Variants in PACC1 observed in about 807,000 individuals in gnomAD.
The protein encoded by PACC1 is proton-activated chloride channel.
In PACC1, 34 loss-of-function variants were observed where a neutral mutation model predicts 39.7. The observed-to-expected ratio is 0.86, with a 90% CI of 0.65 to 1.14. The LOEUF is 1.14. Among genes scored for constraint, PACC1 ranks in the 50% most tolerant of loss-of-function variants. The pLI, the probability that PACC1 is intolerant of heterozygous loss-of-function variation, is 0.00. For missense variants in PACC1, 379 were observed against 436.4 expected, an observed-to-expected ratio of 0.87 and a Z score of 1.17; for synonymous variants, 127 against 160.6, an observed-to-expected ratio of 0.79 and a Z score of 1.58.
At chr1:212,381,683 C>CACACACACT (rs1447958142) in intron 4 of PACC1, among the ~76,000 whole-genome samples, 4 of 98,066 alleles carry the variant, frequency 4.1e-5, no homozygotes, top group East Asian at 5.0e-4. Context: ...CACAGACACA[C>CACACACACT]ACACACACAC....
chr1:212,413,616 GTT>G (rs1662215231), intron 1 of PACC1, among the ~76,000 whole-genome samples: 1 of 152,202 alleles, frequency 6.6e-6, no homozygotes, highest in Admixed American at 6.5e-5. Context: ...TTAAAACTGA[GTT>G]TCCACTGTGC....
intron 2 of PACC1, chr1:212,410,089 T>C: frequency 3.5e-6 from 1 of 286,254 alleles, no homozygotes; most frequent in Non-Finnish European, 6.9e-6. Context: ...AGAGGGGGCC[T>C]ATTAGATCTT....
chr1:212,383,712 A>G (rs186634503), intron 4 of PACC1, among the ~76,000 whole-genome samples: 352 of 152,280 alleles, frequency 2.3e-3, no homozygotes, highest in Non-Finnish European at 3.3e-3. Flanking sequence ...TTTCTCTAAT[A>G]GGCCTCTCCC....
At chr1:212,404,412 C>T (rs1661831842) in intron 2 of PACC1, among the ~76,000 whole-genome samples, 1 of 151,686 alleles carries the variant, frequency 6.6e-6, no homozygotes, top group Non-Finnish European at 1.5e-5. Flanking sequence ...AGCCCCAATC[C>T]TTTTAAATAC....
At chr1:212,398,782 C>T (rs547126896) in intron 2 of PACC1, among the ~76,000 whole-genome samples, 5 of 152,296 alleles carry the variant, frequency 3.3e-5, no homozygotes, top group African/African-American at 1.2e-4. Flanking sequence ...CTCTCTTGAC[C>T]CTGCTCCACT....
chr1:212,378,571 C>A (rs2102482629), intron 5 of PACC1, among the ~76,000 whole-genome samples: 1 of 152,290 alleles, frequency 6.6e-6, no homozygotes, highest in East Asian at 1.9e-4. Flanking sequence ...CTGGTAGGAA[C>A]TGAGTCCCTC....
chr1:212,390,592 G>A lies in PACC1; in HGVS notation c.134-3492C>T, dbSNP rs375436141. Reference sequence around the variant, plus strand: ...ATCACTGGGGCTTGTCATACAGTGGGTGCAGGACAGTGGGTGCAGCGCACC... The same window carrying A: ...ATCACTGGGGCTTGTCATACAGTGGATGCAGGACAGTGGGTGCAGCGCACC... On this transcript the variant is annotated intron_variant, in intron 2 of 7. Transcript: ENST00000261455. 2.0e-5 allele frequency among the ~76,000 whole-genome samples: 3 copies of A among 151,982 alleles called. No homozygotes were observed. In the East Asian group the frequency reaches 5.8e-4, roughly 29 times the overall value.
At position 212,375,319 on chromosome 1, in the gene PACC1, A is replaced by G. The variant is rs369633997; in HGVS notation, c.784-19T>C. 8.9e-6 allele frequency: 14 copies of G among 1,571,834 alleles called. No homozygotes were observed. Among genetic ancestry groups the G allele is most frequent in the Non-Finnish European group, 1.2e-5 (14 of 1,141,814 alleles). ...CACTTGTCTAGATGTGGAGGAGAGA[A>G]AGCAGTGTTACCACCTCTGTGTGCC... On this transcript the variant is annotated intron_variant, in intron 6 of 7. Transcript: ENST00000261455.
At chr1:212,410,966 GCT>G (rs1201280356) in intron 1 of PACC1, among the ~76,000 whole-genome samples, 1 of 152,180 alleles carries the variant, frequency 6.6e-6, no homozygotes, top group East Asian at 1.9e-4. Flanking sequence ...TACAAGGTGT[GCT>G]CTCTCTGTGT....
chr1:212,382,791 T>A (rs1660953962), intron 4 of PACC1, among the ~76,000 whole-genome samples: 1 of 152,228 alleles, frequency 6.6e-6, no homozygotes. Context: ...GGGCGTATTT[T>A]CTAATGTCCA....
intron 2 of PACC1, among the ~76,000 whole-genome samples, chr1:212,408,514 C>A (rs1442785617): frequency 6.6e-6 from 1 of 152,070 alleles, no homozygotes; most frequent in African/African-American, 2.4e-5. Context: ...GCATGTGCCA[C>A]CACACCTGGC....
In PACC1 at chr1:212,377,692, C is replaced by T. The variant is rs781428813; in HGVS notation, c.653G>A (p.Gly218Asp). Reference sequence around the variant, plus strand: ...GGCACTCTCACAGGCCTGCATGAAGCCTACCCTGTTTGGGCTTGGAGGAAG... The same window carrying T: ...GGCACTCTCACAGGCCTGCATGAAGTCTACCCTGTTTGGGCTTGGAGGAAG... ...QEFLQSPNRV[G>D]FMQACESAYS... Residue 218 changes from glycine (G) to aspartate (D), a missense_variant, in exon 6 of 8, where the codon GGC becomes GAC. Transcript: ENST00000261455. The T allele has an allele frequency of 6.2e-7, 1 of 1,614,122 alleles. No homozygotes were observed. The highest frequency in any genetic ancestry group is 1.1e-5 in the South Asian group (1 of 91,068).
intron 7 of PACC1, among the ~76,000 whole-genome samples, chr1:212,366,791 A>G (rs1279266493): frequency 2.0e-5 from 3 of 152,132 alleles, no homozygotes; most frequent in African/African-American, 7.2e-5. Context: ...CCCAGTCTTG[A>G]TTCAATAAGC....
At chr1:212,395,981 T>C (rs1202816681) in intron 2 of PACC1, among the ~76,000 whole-genome samples, 1 of 152,234 alleles carries the variant, frequency 6.6e-6, no homozygotes, top group Non-Finnish European at 1.5e-5. Context: ...ACTTTTACAC[T>C]GTTGGTGGGA....
rs1661091348 is a variant in PACC1 at position 212,386,134 on chromosome 1, G to A, written c.344-709C>T. ...TGCTGGAGGCTGGCAGGAAGCCCCA[G>A]AGAGAGGGCACCCGGACTCTGGCTC... On this transcript the variant is annotated intron_variant, in intron 3 of 7. Transcript: ENST00000261455. The surrounding 1 kb of genome is among the most constrained non-coding windows in gnomAD (Gnocchi z 5.0). Among the ~76,000 whole-genome samples the A allele has an allele frequency of 1.3e-5, 2 of 152,172 alleles. No homozygotes were observed. Among genetic ancestry groups the A allele is most frequent in the Non-Finnish European group, 2.9e-5 (2 of 68,020 alleles).
At chr1:212,396,181 C>G (rs1013478158) in intron 2 of PACC1, among the ~76,000 whole-genome samples, 2 of 152,142 alleles carry the variant, frequency 1.3e-5, no homozygotes, top group African/African-American at 4.8e-5. Flanking sequence ...AGACTTGGAA[C>G]CAAGCCAAAT....
chr1:212,377,773 C>T lies in PACC1; in HGVS notation c.639-67G>A, dbSNP rs6691835. The stretch of plus-strand genomic sequence containing the variant: ...GTCTGGCAGCAGGAGTCGAAGCCCC[C>T]ACTGCAAGCTGGTTTCTTTGCTGGC... On this transcript the variant is annotated intron_variant, in intron 5 of 7. Transcript: ENST00000261455. 24,401 of 1,573,468 alleles carry T rather than the reference C, an allele frequency of 0.016. 2,717 individuals carry two copies. In the African/African-American group the frequency reaches 0.26, roughly 17 times the overall value.
intron 2 of PACC1, among the ~76,000 whole-genome samples, chr1:212,403,857 C>T (rs1459548026): frequency 1.3e-5 from 2 of 151,620 alleles, no homozygotes; most frequent in African/African-American, 4.8e-5. Context: ...GCCACCACAC[C>T]TGGCCATCTT....
In PACC1 at chr1:212,365,192, T is replaced by A. The variant is rs777212888; in HGVS notation, c.*23A>T. ...GACAGCTCCCATTGATGTGGACAGT[T>A]CTCTAAACAACGCGAGGTGACTTCA... On this transcript the variant is annotated 3_prime_UTR_variant, in exon 8 of 8. Transcript: ENST00000261455. 6.2e-7 allele frequency: 1 copy of A among 1,609,960 alleles called. No homozygotes were observed. The highest frequency in any genetic ancestry group is 1.1e-5 in the South Asian group (1 of 90,724).
Sources: gnomAD v4.1 joint callset for allele counts (sites outside exome capture counted in the v4.1 genomes callset) on GRCh38, gnomAD v4.1.1 for gene constraint, Gnocchi (gnomAD v3.1) non-coding constraint, MANE v1.5 for transcripts, NCBI Gene and HGNC (gene_info 2026-07-23, HGNC 2026-07-21) for gene names.